The following GOLM1 variants were observed in gnomAD, a reference collection of about 807,000 sequenced individuals.
GOLM1 encodes epididymis luminal protein 46.
A neutral mutation model predicts 50.5 loss-of-function variants in GOLM1; 31 were observed. The observed-to-expected ratio is 0.61, with a 90% CI of 0.46 to 0.83. The LOEUF (loss-of-function observed/expected upper bound fraction) is 0.83. Among genes scored for constraint, GOLM1 ranks in the 40% least tolerant of loss-of-function variants. The probability of loss-of-function intolerance (pLI) is 0.00; values close to 1 mark genes in which losing one functional copy is unlikely to be tolerated. For synonymous variants in GOLM1, 178 were observed against 192.8 expected (o/e 0.92, Z 0.64); for missense variants, 491 against 501.3 (o/e 0.98, Z 0.20).
chr9:86,056,172 C>T (rs10115014), intron 3 of GOLM1, among the ~76,000 whole-genome samples: 17,463 of 152,092 alleles, frequency 0.11, 1,394 homozygotes, highest in East Asian at 0.45. Flanking sequence ...TTACAACTAT[C>T]TGAGGGTTCA....
At chr9:86,062,933 G>T (rs1834204039) in intron 3 of GOLM1, among the ~76,000 whole-genome samples, 1 of 152,152 alleles carries the variant, frequency 6.6e-6, no homozygotes, top group South Asian at 2.1e-4. Flanking sequence ...CCTGACCCTG[G>T]ATCTTTCTGA....
chr9:86,082,976 G>A (rs925354486), intron 1 of GOLM1, among the ~76,000 whole-genome samples: 6 of 152,172 alleles, frequency 3.9e-5, no homozygotes, highest in African/African-American at 1.4e-4. Flanking sequence ...AGCACATTAT[G>A]GTTTGCTCCA....
At chr9:86,053,408 C>A (rs563750885) in intron 3 of GOLM1, among the ~76,000 whole-genome samples, 1 of 139,984 alleles carries the variant, frequency 7.1e-6, no homozygotes, top group East Asian at 2.2e-4. Flanking sequence ...CCACACCACA[C>A]ACTTCACACC....
intron 3 of GOLM1, among the ~76,000 whole-genome samples, chr9:86,058,975 G>GTGAT (rs1314116621): frequency 2.0e-5 from 3 of 152,150 alleles, no homozygotes; most frequent in Admixed American, 6.5e-5. Context: ...TCCAGCCTGG[G>GTGAT]TGATAGAGTG....
At chr9:86,082,381 C>T (rs1417122631) in intron 1 of GOLM1, among the ~76,000 whole-genome samples, 13 of 141,332 alleles carry the variant, frequency 9.2e-5, no homozygotes, top group African/African-American at 3.4e-4. Context: ...CTTTTCTTTC[C>T]TTTTTTTTTT....
chr9:86,055,122 C>T (rs1040516645), intron 3 of GOLM1, among the ~76,000 whole-genome samples: 14 of 152,220 alleles, frequency 9.2e-5, no homozygotes, highest in Non-Finnish European at 1.5e-4. Context: ...CACAGGGATG[C>T]ATGCCCACAA....
At chr9:86,085,602 T>G (rs1287742917) in intron 1 of GOLM1, among the ~76,000 whole-genome samples, 1 of 152,042 alleles carries the variant, frequency 6.6e-6, no homozygotes, top group Non-Finnish European at 1.5e-5. Flanking sequence ...CTACATTTAG[T>G]TACTTCTCCT....
At chr9:86,045,944 G>T (rs1403093541) in intron 5 of GOLM1, among the ~76,000 whole-genome samples, 1 of 152,108 alleles carries the variant, frequency 6.6e-6, no homozygotes, top group Admixed American at 6.6e-5. Flanking sequence ...CCTCTGGCTT[G>T]CAAACTGGCT....
At chr9:86,036,708 C>G in intron 6 of GOLM1, 1 of 591,764 alleles carries the variant, frequency 1.7e-6, no homozygotes, top group Non-Finnish European at 3.0e-6. Context: ...GTCAAGGTCT[C>G]CCAGAAAGTA....
chr9:86,053,641 C>CTCCAT (rs1564347525), intron 3 of GOLM1, among the ~76,000 whole-genome samples: 1 of 39,010 alleles, frequency 2.6e-5, no homozygotes, highest in African/African-American at 6.7e-5. Flanking sequence ...ACAAAACACA[C>CTCCAT]ACCACACCAT....
intron 1 of GOLM1, among the ~76,000 whole-genome samples, chr9:86,085,956 T>C (rs1378957569): frequency 6.6e-6 from 1 of 152,206 alleles, no homozygotes; most frequent in Non-Finnish European, 1.5e-5. Flanking sequence ...TGTGTCTTTA[T>C]AGAATGATTT....
At chr9:86,064,482 C>T (rs1219739313) in intron 3 of GOLM1, among the ~76,000 whole-genome samples, 8 of 152,170 alleles carry the variant, frequency 5.3e-5, no homozygotes, top group Non-Finnish European at 1.0e-4. Context: ...AAATTCAGTG[C>T]AACATCACTT....
At chr9:86,084,211 G>A (rs562474237) in intron 1 of GOLM1, among the ~76,000 whole-genome samples, 9 of 152,264 alleles carry the variant, frequency 5.9e-5, no homozygotes, top group African/African-American at 2.2e-4. Flanking sequence ...CATCTCTGTG[G>A]ATCTATTTCT....
rs756009093 is a variant in GOLM1, at chr9:86,079,190, A to G, written c.129+2T>C. 5.8e-6 allele frequency: 9 copies of G among 1,553,862 alleles called. No individual in the cohort carries two copies. The highest frequency in any genetic ancestry group is 7.8e-6 in the Non-Finnish European group (9 of 1,151,310). ...AACATAACAATAAAGAAAACAAAAC[A>G]CCTGGAGGTCCACGCTCCGGGAGCT... On this transcript the variant is annotated splice_donor_variant, in intron 2 of 9. Transcript: ENST00000388712. LOFTEE classifies it high-confidence loss of function.
Position 86,077,637 on chromosome 9 carries a change from G to A in GOLM1, c.130-46C>T, listed in dbSNP as rs776772579. ...TAGGGCTGATGCCAAGTTACCTGAGGAGCCTGGACCACCTGAGCGCCCTCC... is the reference window on the plus strand; with the variant it reads ...TAGGGCTGATGCCAAGTTACCTGAGAAGCCTGGACCACCTGAGCGCCCTCC... On this transcript the variant is annotated intron_variant, in intron 2 of 9. Transcript: ENST00000388712. The A allele has an allele frequency of 8.3e-6, 12 of 1,453,976 alleles. No individual in the cohort carries two copies. The African/African-American group carries it at 1.4e-4, about 17-fold the overall frequency. The allele number at this position is 1,453,976 out of a possible 1,614,324, so 90.1% of individuals were successfully genotyped here.
chr9:86,061,040 C>T (rs1461197470), intron 3 of GOLM1, among the ~76,000 whole-genome samples: 1 of 151,930 alleles, frequency 6.6e-6, no homozygotes, highest in Non-Finnish European at 1.5e-5. Context: ...ACAATCCCAC[C>T]TTTTCAGGAC....
Position 86,046,879 on chromosome 9 carries a change from C to T in GOLM1, c.365-307G>A, listed in dbSNP as rs533980502. On this transcript the variant is annotated intron_variant, in intron 4 of 9. Coordinates refer to ENST00000388712, the MANE Select transcript of GOLM1 (RefSeq NM_016548.4). ...ATGTATATTGGAAGCTTCTGTGTGC[C>T]TGTCTCTTTTGTAGACATCATAAGC... Among the ~76,000 whole-genome samples the T allele has an allele frequency of 1.6e-4, 24 of 152,300 alleles. 1 individual carries two copies. In the South Asian group the frequency reaches 4.6e-3, roughly 29 times the overall value.
intron 9 of GOLM1, among the ~76,000 whole-genome samples, chr9:86,028,740 A>G (rs551574554): frequency 3.3e-5 from 5 of 151,228 alleles, no homozygotes; most frequent in Admixed American, 3.3e-4. Context: ...CATCCTCCCC[A>G]CAACCTGTCC....
At chr9:86,070,163 G>A (rs1279220237) in intron 3 of GOLM1, among the ~76,000 whole-genome samples, 3 of 152,042 alleles carry the variant, frequency 2.0e-5, no homozygotes, top group Admixed American at 6.5e-5. Flanking sequence ...GATTACAGGC[G>A]TGAGCCACCG....
Sources: allele counts gnomAD v4.1 joint callset (sites outside exome capture counted in the v4.1 genomes callset), GRCh38; gene constraint gnomAD v4.1.1; transcripts MANE v1.5; gene names NCBI Gene and HGNC (gene_info 2026-07-23, HGNC 2026-07-21).